IL2RA: variants seen among roughly 807,000 people sequenced by gnomAD.
The protein encoded by IL2RA is interleukin-2 receptor subunit alpha.
Under a neutral mutation model 37.8 loss-of-function variants are expected in IL2RA, and 24 were observed. The observed-to-expected ratio is 0.63, with a 90% CI of 0.46 to 0.89. The LOEUF (loss-of-function observed/expected upper bound fraction) is 0.89, where lower values mean the gene tolerates loss of function less well. Among genes scored for constraint, IL2RA ranks in the 40% least tolerant of loss-of-function variants. The pLI, the probability that IL2RA is intolerant of heterozygous loss-of-function variation, is 0.00. For synonymous variants in IL2RA, 125 were observed against 114.6 expected (o/e 1.09, Z -0.58); for missense variants, 319 against 348.6 (o/e 0.92, Z 0.68).
chr10:6,019,503 T>C lies in IL2RA; in HGVS notation c.656-4A>G, dbSNP rs114399155. 3.1e-5 allele frequency: 50 copies of C among 1,609,066 alleles called. No individual in the cohort carries two copies. The African/African-American group carries it at 6.3e-4, about 20-fold the overall frequency. On this transcript the variant is annotated splice_region_variant and splice_polypyrimidine_tract_variant and intron_variant, in intron 5 of 7. Transcript: ENST00000379959. ...ATTTCTGTCTGTATTTGAAAATCTGTGAAAAAGAGATAAAGAGAGACACTC... is the reference window on the plus strand; with the variant it reads ...ATTTCTGTCTGTATTTGAAAATCTGCGAAAAAGAGATAAAGAGAGACACTC...
chr10:6,042,390 T>C (rs1027151086), intron 1 of IL2RA, among the ~76,000 whole-genome samples: 4 of 151,956 alleles, frequency 2.6e-5, no homozygotes, highest in Admixed American at 2.0e-4. Flanking sequence ...ATTTAACCAA[T>C]AGACAGTAGA....
intron 2 of IL2RA, 100 bp from the exon 3 acceptor site, chr10:6,024,454 C>T (rs12722576): frequency 1.1e-6 from 1 of 873,040 alleles, no homozygotes; most frequent in Non-Finnish European, 1.9e-6. Flanking sequence ...CTGTCCAGGG[C>T]CCACGATGTG....
At chr10:6,039,203 C>T (rs1839733601) in intron 1 of IL2RA, among the ~76,000 whole-genome samples, 1 of 152,172 alleles carries the variant, frequency 6.6e-6, no homozygotes, top group East Asian at 1.9e-4. Context: ...ATACAGAAGT[C>T]AGTACGTATT....
At chr10:6,049,430 T>C (rs1249934613) in intron 1 of IL2RA, among the ~76,000 whole-genome samples, 1 of 152,210 alleles carries the variant, frequency 6.6e-6, no homozygotes, top group African/African-American at 2.4e-5. Flanking sequence ...GGAAATACCC[T>C]CACAGACACC....
intron 6 of IL2RA, among the ~76,000 whole-genome samples, chr10:6,019,028 C>T (rs1443370802): frequency 1.3e-5 from 2 of 151,942 alleles, no homozygotes; most frequent in African/African-American, 4.8e-5. Flanking sequence ...ACCAACCAAC[C>T]TATCAACTTA....
At position 6,022,629 on chromosome 10, in the gene IL2RA, C is replaced by A. The variant is rs544524165; in HGVS notation, c.368-936G>T. Among the ~76,000 whole-genome samples, 1 of 150,276 alleles carries A rather than the reference C, an allele frequency of 6.7e-6. No homozygotes were observed. Among genetic ancestry groups the A allele is most frequent in the South Asian group, 2.1e-4 (1 of 4,764 alleles). On this transcript the variant is annotated intron_variant, in intron 3 of 7. Coordinates refer to ENST00000379959, the MANE Select transcript of IL2RA (RefSeq NM_000417.3). This position sits in a 1 kb window ranked among gnomAD's most constrained non-coding sequence, Gnocchi z 4.7. ...TGGGTGGCCCTGTCCCAGGCTGGCT[C>A]CTGCCATGTGGCACCTTGAACATCA...
rs573893641 is a variant in IL2RA, at chr10:6,058,603, T to C, written c.64+3485A>G. On this transcript the variant is annotated intron_variant, in intron 1 of 7. Transcript: ENST00000379959. This position sits in a 1 kb window ranked among gnomAD's most constrained non-coding sequence, Gnocchi z 4.2. ...ACAAAGGTGAAGATGGGAAATTCCA[T>C]TGTGGGCAGTTGTCTTTACAAGAAT... Among the ~76,000 whole-genome samples, 1 of 152,258 alleles carries C rather than the reference T, an allele frequency of 6.6e-6. No homozygotes were observed. Among genetic ancestry groups the C allele is most frequent in the Non-Finnish European group, 1.5e-5 (1 of 68,042 alleles).
rs142818158 is a variant in IL2RA, at chr10:6,022,951, C to A, written c.368-1258G>T. Among the ~76,000 whole-genome samples the A allele has an allele frequency of 1.5e-3, 235 of 152,312 alleles. 2 individuals are homozygous for A. The highest frequency in any genetic ancestry group is 5.4e-3 in the African/African-American group (223 of 41,580). ...AAGTCGGAAGGGGAAGGAGTAAGAGCATCATGTTGCAACTGTGCCCCTAGA... is the reference window on the plus strand; with the variant it reads ...AAGTCGGAAGGGGAAGGAGTAAGAGAATCATGTTGCAACTGTGCCCCTAGA... On this transcript the variant is annotated intron_variant, in intron 3 of 7. Coordinates refer to ENST00000379959, the MANE Select transcript of IL2RA (RefSeq NM_000417.3). This position sits in a 1 kb window ranked among gnomAD's most constrained non-coding sequence, Gnocchi z 4.7.
chr10:6,058,241 T>A lies in IL2RA; in HGVS notation c.64+3847A>T, dbSNP rs1225745871. 3.3e-5 allele frequency among the ~76,000 whole-genome samples: 5 copies of A among 152,162 alleles called. No homozygotes were observed. Among genetic ancestry groups the A allele is most frequent in the Non-Finnish European group, 5.9e-5 (4 of 68,036 alleles). On this transcript the variant is annotated intron_variant, in intron 1 of 7. Transcript: ENST00000379959. This position sits in a 1 kb window ranked among gnomAD's most constrained non-coding sequence, Gnocchi z 4.2. ...GGGAGTGGGGTGGAGTAGTGGAGTT[T>A]TAGAGCTCAGCAACCGTTCTATATT...
In IL2RA at chr10:6,036,824, G is replaced by C. The variant is rs1839690531; in HGVS notation, c.65-10799C>G. Among the ~76,000 whole-genome samples the C allele has an allele frequency of 1.3e-5, 2 of 150,872 alleles. No homozygotes were observed. Among genetic ancestry groups the C allele is most frequent in the African/African-American group, 5.0e-5 (2 of 40,154 alleles). ...AGCGGACACCACTGCTGAAGAAGAAGGATATCCCGGTTGGCTGCTCTAGAG... is the reference window on the plus strand; with the variant it reads ...AGCGGACACCACTGCTGAAGAAGAACGATATCCCGGTTGGCTGCTCTAGAG... On this transcript the variant is annotated intron_variant, in intron 1 of 7. Transcript: ENST00000379959. The surrounding 1 kb of genome is among the most constrained non-coding windows in gnomAD (Gnocchi z 6.1).
rs751945988 is a variant in IL2RA, at chr10:6,035,506, A to T, written c.65-9481T>A. Among the ~76,000 whole-genome samples the T allele has an allele frequency of 3.3e-5, 5 of 152,200 alleles. No homozygotes were observed. The highest frequency in any genetic ancestry group is 7.3e-5 in the Non-Finnish European group (5 of 68,034). ...TTTGTTCCTGAGTGGTGGGCCGCAC[A>T]TGAGGCTCTGAGCAGGCTATATCTC... On this transcript the variant is annotated intron_variant, in intron 1 of 7. Transcript: ENST00000379959. The surrounding 1 kb of genome is among the most constrained non-coding windows in gnomAD (Gnocchi z 5.4).
rs1299356428 is a variant in IL2RA, at chr10:6,029,320, A to C, written c.65-3295T>G. On this transcript the variant is annotated intron_variant, in intron 1 of 7. Transcript: ENST00000379959. The surrounding 1 kb of genome is among the most constrained non-coding windows in gnomAD (Gnocchi z 4.6). Reference sequence around the variant, plus strand: ...GCTGGGATTATAGGTGTGCGCCAACACGTCTGGCTACTTTTTGTGTTTTTA... The same window carrying C: ...GCTGGGATTATAGGTGTGCGCCAACCCGTCTGGCTACTTTTTGTGTTTTTA... 6.6e-6 allele frequency among the ~76,000 whole-genome samples: 1 copy of C among 151,888 alleles called. No individual in the cohort carries two copies. The highest frequency in any genetic ancestry group is 1.5e-5 in the Non-Finnish European group (1 of 67,972).
Position 6,012,662 on chromosome 10 carries a change from C to T in IL2RA, c.*210G>A, listed in dbSNP as rs999339677. The stretch of plus-strand genomic sequence containing the variant: ...GAAATTGCTATTTAGAAGTGGGTAG[C>T]GCTCGCTCTCTGATGGGACTGAGCT... On this transcript the variant is annotated 3_prime_UTR_variant, in exon 8 of 8. Transcript: ENST00000379959. The surrounding 1 kb of genome is among the most constrained non-coding windows in gnomAD (Gnocchi z 4.8). 2.7e-5 allele frequency: 17 copies of T among 624,742 alleles called. No individual in the cohort carries two copies. The highest frequency in any genetic ancestry group is 1.7e-4 in the South Asian group (9 of 52,412). The allele number at this position is 624,742 out of a possible 1,614,324, so 38.7% of individuals were successfully genotyped here. A position where few individuals can be genotyped will look rare whatever the true frequency, so the allele number is the denominator to read the frequency against.
At chr10:6,039,679 C>T (rs759282352) in intron 1 of IL2RA, 29 of 152,124 alleles carry the variant, frequency 1.9e-4, no homozygotes, top group African/African-American at 7.0e-4. Context: ...CTCTGGGTGT[C>T]AGAATCTTCC....
In IL2RA at chr10:6,023,248, G is replaced by A. The variant is rs12722579; in HGVS notation, c.367+996C>T. Among the ~76,000 whole-genome samples, 513 of 152,318 alleles carry A rather than the reference G, an allele frequency of 3.4e-3. 2 individuals carry two copies. Among genetic ancestry groups the A allele is most frequent in the South Asian group, 0.017 (83 of 4,824 alleles). The stretch of plus-strand genomic sequence containing the variant: ...AGTTCTTTGTAAGGTTGTAAAATCA[G>A]CAAAGGGCTCTGAAGTCTCCTAAGG... On this transcript the variant is annotated intron_variant, in intron 3 of 7. Coordinates refer to ENST00000379959, the MANE Select transcript of IL2RA (RefSeq NM_000417.3).
In IL2RA at chr10:6,047,777, C is replaced by A. The variant is rs1466082525; in HGVS notation, c.64+14311G>T. The stretch of plus-strand genomic sequence containing the variant: ...CAATTAGGGTATGTTATATAAAATA[C>A]TATAGTATACTCATTAATATAATTA... On this transcript the variant is annotated intron_variant, in intron 1 of 7. Coordinates refer to ENST00000379959, the MANE Select transcript of IL2RA (RefSeq NM_000417.3). The surrounding 1 kb of genome is among the most constrained non-coding windows in gnomAD (Gnocchi z 5.0). Among the ~76,000 whole-genome samples, 1 of 148,574 alleles carries A rather than the reference C, an allele frequency of 6.7e-6. No individual in the cohort carries two copies. Among genetic ancestry groups the A allele is most frequent in the African/African-American group, 2.5e-5 (1 of 40,692 alleles).
chr10:6,029,785 A>G lies in IL2RA; in HGVS notation c.65-3760T>C, dbSNP rs1839547838. ...AGTGGCACAATCTTGGCTCACTGAA[A>G]CCTCTGCCTCCCAGATTCAAGTGAT... On this transcript the variant is annotated intron_variant, in intron 1 of 7. Transcript: ENST00000379959. This position sits in a 1 kb window ranked among gnomAD's most constrained non-coding sequence, Gnocchi z 4.6. 6.6e-6 allele frequency among the ~76,000 whole-genome samples: 1 copy of G among 152,102 alleles called. No homozygotes were observed. Among genetic ancestry groups the G allele is most frequent in the Admixed American group, 6.5e-5 (1 of 15,268 alleles).
At position 6,029,086 on chromosome 10, in the gene IL2RA, C is replaced by T. The variant is rs551379602; in HGVS notation, c.65-3061G>A. Reference sequence around the variant, plus strand: ...TGTAATTACACTCAATGACTTAAAGCAGAGGTCAGTAAACTATGACCTGCA... The same window carrying T: ...TGTAATTACACTCAATGACTTAAAGTAGAGGTCAGTAAACTATGACCTGCA... On this transcript the variant is annotated intron_variant, in intron 1 of 7. Coordinates refer to ENST00000379959, the MANE Select transcript of IL2RA (RefSeq NM_000417.3). The surrounding 1 kb of genome is among the most constrained non-coding windows in gnomAD (Gnocchi z 4.6). Among the ~76,000 whole-genome samples, 139 of 151,768 alleles carry T rather than the reference C, an allele frequency of 9.2e-4. No homozygotes were observed. The highest frequency in any genetic ancestry group is 1.0e-3 in the Non-Finnish European group (70 of 67,962).
chr10:6,026,488 C>T lies in IL2RA; in HGVS notation c.65-463G>A, dbSNP rs377316870. ...TTTTTTGAGAAATATACAGAAAGTG[C>T]TTCACTCAATGTCTGGCAAATAGGA... On this transcript the variant is annotated intron_variant, in intron 1 of 7. Transcript: ENST00000379959. 7.9e-5 allele frequency among the ~76,000 whole-genome samples: 12 copies of T among 152,270 alleles called. No individual in the cohort carries two copies. In the South Asian group the frequency reaches 1.2e-3, roughly 16 times the overall value.
Sources: allele counts gnomAD v4.1 joint callset (sites outside exome capture counted in the v4.1 genomes callset), GRCh38; gene constraint gnomAD v4.1.1; non-coding constraint Gnocchi (gnomAD v3.1); transcripts MANE v1.5; gene names NCBI Gene and HGNC (gene_info 2026-07-23, HGNC 2026-07-21).